The following FTSJ3 variants were observed in gnomAD, a reference collection of about 807,000 sequenced individuals.
FTSJ3 encodes the protein pre-rRNA 2'-O-ribose RNA methyltransferase FTSJ3.
FTSJ3 carries 46 observed loss-of-function variants against 111.5 expected under a neutral mutation model. The ratio of observed to expected loss-of-function variants is 0.41; its 90% CI spans 0.33 to 0.53. The LOEUF (loss-of-function observed/expected upper bound fraction) is 0.53, where lower values mean the gene tolerates loss of function less well. Ranked by LOEUF, FTSJ3 falls within the 20% of genes least tolerant of loss-of-function variation. The pLI, the probability that FTSJ3 is intolerant of heterozygous loss-of-function variation, is 0.19. For synonymous variants in FTSJ3, 408 were observed against 383.0 expected, an observed-to-expected ratio of 1.07 and a Z score of -0.76; for missense variants, 1,075 against 1,063.8, an observed-to-expected ratio of 1.01 and a Z score of -0.15.
rs1325926165 is a variant in FTSJ3 at position 63,819,652 on chromosome 17, A to G, written c.*150T>C. The G allele has an allele frequency of 2.9e-6, 2 of 698,388 alleles. No individual in the cohort carries two copies. Among genetic ancestry groups the G allele is most frequent in the Non-Finnish European group, 4.8e-6 (2 of 418,954 alleles). The allele number at this position is 698,388 out of a possible 1,614,324, so 43.3% of individuals were successfully genotyped here. ...GACATCCTCCTCTCTGCTCAGGACC[A>G]CCACGGGAGTTCTAGGCACTCCACC... On this transcript the variant is annotated 3_prime_UTR_variant, in exon 21 of 21. Transcript: ENST00000427159.
At chr17:63,823,546 G>C (rs556533729) in intron 13 of FTSJ3, 7 of 330,038 alleles carry the variant, frequency 2.1e-5, no homozygotes, top group Non-Finnish European at 3.9e-5. Flanking sequence ...AGTGGGCCGA[G>C]ATCGTGCCAC....
chr17:63,823,616 A>ATTTT lies in FTSJ3; in HGVS notation c.1290+200_1290+201insAAAA, dbSNP rs1227798341. The ATTTT allele has an allele frequency of 7.0e-6, 4 of 567,738 alleles. No individual in the cohort carries two copies. The East Asian group carries it at 1.2e-4, about 17-fold the overall frequency. The allele number at this position is 567,738 out of a possible 1,614,324, so 35.2% of individuals were successfully genotyped here. A position where few individuals can be genotyped will look rare whatever the true frequency, so the allele number is the denominator to read the frequency against. Reference sequence around the variant, plus strand: ...TCTCAAAAAAAAAAAAAATAAATCTATCACACTCATCTATCTACCTAACTC... The same window carrying ATTTT: ...TCTCAAAAAAAAAAAAAATAAATCTATTTTTCACACTCATCTATCTACCTAACTC... On this transcript the variant is annotated intron_variant, in intron 13 of 20. Coordinates refer to ENST00000427159, the MANE Select transcript of FTSJ3 (RefSeq NM_017647.4).
rs889135352 is a variant in FTSJ3 at position 63,825,060 on chromosome 17, C to T, written c.699G>A (p.Lys233=). ...QAKTVTELVT[K]KKPKAEGYAE... ...CCCCAAAACACACCTTTGGCTTCTT[C>T]TTAGTAACCAATTCAGTAACGGTCT... The change falls in exon 8 of 21, where the codon AAG becomes AAA. Residue 233 remains lysine (K), a synonymous_variant. Transcript: ENST00000427159. 6.2e-7 allele frequency: 1 copy of T among 1,613,874 alleles called. No individual in the cohort carries two copies. Among genetic ancestry groups the T allele is most frequent in the Non-Finnish European group, 8.5e-7 (1 of 1,179,836 alleles).
Position 63,824,693 on chromosome 17 carries a change from A to T in FTSJ3, c.861T>A (p.Thr287=), listed in dbSNP as rs1273156940. The change falls in exon 10 of 21, where the codon ACT becomes ACA. Residue 287 remains threonine (T), a synonymous_variant. Coordinates refer to ENST00000427159, the MANE Select transcript of FTSJ3 (RefSeq NM_017647.4). ...DEELAQHPAT[T]EDIRVCCQDI... ...CCTGACAGCACACCCGTATGTCCTC[A>T]GTGGTAGCTGGATGCTGTGCCAACT... 3 of 1,614,048 alleles carry T rather than the reference A, an allele frequency of 1.9e-6. No individual in the cohort carries two copies. Among genetic ancestry groups the T allele is most frequent in the Non-Finnish European group, 2.5e-6 (3 of 1,180,016 alleles).
At position 63,825,031 on chromosome 17, in the gene FTSJ3, C is replaced by G. The variant is rs925269934; in HGVS notation, c.711+17G>C. 1 of 1,609,722 alleles carries G rather than the reference C, an allele frequency of 6.2e-7. No individual in the cohort carries two copies. Among genetic ancestry groups the G allele is most frequent in the Non-Finnish European group, 8.5e-7 (1 of 1,175,972 alleles). On this transcript the variant is annotated intron_variant, in intron 8 of 20. Coordinates refer to ENST00000427159, the MANE Select transcript of FTSJ3 (RefSeq NM_017647.4). ...GAGTTCCAGGACCCAAGAGTGACCC[C>G]ATTCCCCAAAACACACCTTTGGCTT...
intron 6 of FTSJ3, 33 bp downstream of exon 6, chr17:63,825,503 T>A (rs1182038566): frequency 2.5e-6 from 4 of 1,611,842 alleles, no homozygotes; most frequent in Admixed American, 1.7e-5. Flanking sequence ...ACCTCCACCA[T>A]CACCTGATCT....
chr17:63,821,321 T>C, intron 16 of FTSJ3, 33 bp downstream of exon 16: 2 of 1,582,062 alleles, frequency 1.3e-6, no homozygotes, highest in Non-Finnish European at 1.7e-6. Flanking sequence ...CACCGCTTCC[T>C]TTCCATCCCT....
Position 63,823,896 on chromosome 17 carries a change from T to G in FTSJ3, c.1211A>C (p.Lys404Thr). 1 of 1,614,218 alleles carries G rather than the reference T, an allele frequency of 6.2e-7. No individual in the cohort carries two copies. The highest frequency in any genetic ancestry group is 8.5e-7 in the Non-Finnish European group (1 of 1,180,040). Reference protein sequence around the residue: ...QRKQRERVELKMDLPGVSIAD... With the variant: ...QRKQRERVELTMDLPGVSIAD... Reference sequence around the variant, plus strand: ...AATGGAAACCCCAGGCAGATCCATCTTCAGCTCCACACGCTCCCGCTGCTT... The same window carrying G: ...AATGGAAACCCCAGGCAGATCCATCGTCAGCTCCACACGCTCCCGCTGCTT... Residue 404 changes from lysine to threonine, a missense_variant, in exon 13 of 21, where the codon AAG becomes ACG. Physicochemically the swap from Lys to Thr is moderately conservative, Grantham distance 78. Coordinates refer to ENST00000427159, the MANE Select transcript of FTSJ3 (RefSeq NM_017647.4).
intron 10 of FTSJ3, 83 bp from the exon 11 acceptor site, chr17:63,824,494 T>A: frequency 6.6e-7 from 1 of 1,515,720 alleles, no homozygotes; most frequent in Non-Finnish European, 9.2e-7. Context: ...TACCCACCTT[T>A]CGGGCTTCGG....
chr17:63,825,374 T>C lies in FTSJ3; in HGVS notation c.463A>G (p.Ile155Val), dbSNP rs368348973. The change falls in exon 7 of 21, where the codon ATC (isoleucine) becomes GTC (valine). Residue 155 changes from isoleucine (I) to valine (V), a missense_variant. Transcript: ENST00000427159. ...CDFLARGGSFITKVFRSRDYQ... is the reference protein window; with the variant it reads ...CDFLARGGSFVTKVFRSRDYQ... ...TCACGAGAACGGAAAACCTTTGTGA[T>C]GAAGCTGCCACCACGGGCCAAAAAG... 15 of 1,614,072 alleles carry C rather than the reference T, an allele frequency of 9.3e-6. No individual in the cohort carries two copies. In the African/African-American group the frequency reaches 1.9e-4, roughly 20 times the overall value.
chr17:63,819,992 A>G lies in FTSJ3; in HGVS notation c.2354T>C (p.Leu785Pro). 6.2e-7 allele frequency: 1 copy of G among 1,614,002 alleles called. No individual in the cohort carries two copies. The change falls in exon 21 of 21, where the codon CTC (leucine) becomes CCC (proline). Residue 785 changes from leucine to proline, a missense_variant and splice_region_variant. Transcript: ENST00000427159. ...EREKVAQLRS[L>P]YKKAGLGKEK... ...CTTGCCAAGCCCAGCCTTCTTGTAG[A>G]GACTACAGGGGGGAAGAGAAGAGGT...
chr17:63,820,924 G>T lies in FTSJ3; in HGVS notation c.1987C>A (p.Leu663Met), dbSNP rs2040043894. 1 of 1,613,996 alleles carries T rather than the reference G, an allele frequency of 6.2e-7. No homozygotes were observed. The highest frequency in any genetic ancestry group is 1.3e-5 in the African/African-American group (1 of 74,928). The change falls in exon 18 of 21, where the codon CTG (leucine) becomes ATG (methionine). Residue 663 changes from leucine (L) to methionine (M), a missense_variant. Leu to Met is a conservative substitution (Grantham distance 15). This residue lies in a region of FTSJ3 where 867 missense variants were observed against 796.9 expected (regional missense o/e 1.09). Coordinates refer to ENST00000427159, the MANE Select transcript of FTSJ3 (RefSeq NM_017647.4). ...PIEDPAKHRI[L>M]DPEGLALGAV... ...CCTAGAGCAAGGCCTTCGGGGTCCA[G>T]TATCCGATGTTTCGCTAGAGAGGGA...
At chr17:63,821,943 C>A in intron 14 of FTSJ3, 41 bp downstream of exon 14, 1 of 1,612,208 alleles carries the variant, frequency 6.2e-7, no homozygotes, top group Non-Finnish European at 8.5e-7. Context: ...AACACTTCCT[C>A]AGAGTGGCAG....
chr17:63,819,808 C>A lies in FTSJ3; in HGVS notation c.2538G>T (p.Arg846=). 2 of 1,612,218 alleles carry A rather than the reference C, an allele frequency of 1.2e-6. No homozygotes were observed. The highest frequency in any genetic ancestry group is 1.7e-6 in the Non-Finnish European group (2 of 1,178,948). The part of the protein sequence containing the change: ...QRKEQKKKHK[R]K The stretch of plus-strand genomic sequence containing the variant: ...GGGAGCCTGGCAGCTCTGCTTACTT[C>A]CGTTTGTGTTTTTTCTTTTGTTCCT... Residue 846 remains arginine (R), a synonymous_variant, in exon 21 of 21, where the codon CGG becomes CGT. Coordinates refer to ENST00000427159, the MANE Select transcript of FTSJ3 (RefSeq NM_017647.4).
chr17:63,825,815 C>T, intron 5 of FTSJ3, 180 bp from the exon 6 acceptor site: 2 of 642,720 alleles, frequency 3.1e-6, no homozygotes. Flanking sequence ...CAGTCTGACA[C>T]TGAATTCACA....
Position 63,825,377 on chromosome 17 carries a change from A to G in FTSJ3, c.460T>C (p.Phe154Leu), listed in dbSNP as rs1460028896. The G allele has an allele frequency of 6.2e-7, 1 of 1,614,100 alleles. No homozygotes were observed. Among genetic ancestry groups the G allele is most frequent in the African/African-American group, 1.3e-5 (1 of 74,920 alleles). ...CGAGAACGGAAAACCTTTGTGATGA[A>G]GCTGCCACCACGGGCCAAAAAGTCA... Reference protein sequence around the residue: ...ACDFLARGGSFITKVFRSRDY... With the variant: ...ACDFLARGGSLITKVFRSRDY... Residue 154 changes from phenylalanine to leucine, a missense_variant, in exon 7 of 21, where the codon TTC (phenylalanine) becomes CTC (leucine). Phe to Leu is a conservative substitution (Grantham distance 22). This residue lies in a region of FTSJ3 where 208 missense variants were observed against 266.9 expected (regional missense o/e 0.78). Transcript: ENST00000427159.
At chr17:63,824,781 A>C (rs1415713891) in intron 9 of FTSJ3, 44 bp from the exon 10 acceptor site, 1 of 1,605,678 alleles carries the variant, frequency 6.2e-7, no homozygotes, top group Admixed American at 1.7e-5. Flanking sequence ...TCCTCAGGCC[A>C]TGTTTCTGGG....
In FTSJ3 at chr17:63,819,547, T is replaced by C; in HGVS notation, c.*255A>G. On this transcript the variant is annotated 3_prime_UTR_variant, in exon 21 of 21. Transcript: ENST00000427159. ...GTATCGCTCCAACACCGAACTTCCC[T>C]TTAACGGTTTAAAAAAAGGGTCATG... 1 of 448,828 alleles carries C rather than the reference T, an allele frequency of 2.2e-6. No individual in the cohort carries two copies. Among genetic ancestry groups the C allele is most frequent in the Non-Finnish European group, 4.0e-6 (1 of 251,806 alleles). The allele number at this position is 448,828 out of a possible 1,614,324, so 27.8% of individuals were successfully genotyped here.
chr17:63,821,356 CTCT>C lies in FTSJ3; in HGVS notation c.1881_1883del (p.Glu628del), dbSNP rs1392854079. ...TTCTCTCAGCTGCAACTACTCACCT[CTCT>C]TCTTCCTCACTGCTAGTACTGCTAT... is the stretch of plus-strand genomic sequence containing the variant. On this transcript the variant is annotated inframe_deletion, in exon 16 of 21. Coordinates refer to ENST00000427159, the MANE Select transcript of FTSJ3 (RefSeq NM_017647.4). The C allele has an allele frequency of 3.1e-6, 5 of 1,603,642 alleles. No individual in the cohort carries two copies. The highest frequency in any genetic ancestry group is 2.2e-5 in the East Asian group (1 of 44,742).
Sources: gnomAD v4.1 joint callset for allele counts on GRCh38, gnomAD v4.1.1 for gene constraint, gnomAD v4.1.1 regional missense constraint, MANE v1.5 for transcripts, NCBI Gene and HGNC (gene_info 2026-07-23, HGNC 2026-07-21) for gene names.